The following SS18 variants were observed in gnomAD, a reference collection of about 807,000 sequenced individuals.
SS18 encodes protein SSXT.
A neutral mutation model predicts 72.5 loss-of-function variants in SS18; 28 were observed. The observed-to-expected ratio is 0.39, with a 90% confidence interval of 0.29 to 0.53. The LOEUF (loss-of-function observed/expected upper bound fraction) is 0.53. SS18 is among the 20% of genes least tolerant of loss of function. The pLI, the probability that SS18 is intolerant of heterozygous loss-of-function variation, is 0.76. For synonymous variants in SS18, 172 were observed against 164.2 expected (o/e 1.05, Z -0.37); for missense variants, 518 against 535.3 (o/e 0.97, Z 0.32).
At chr18:26,075,014 CA>C (rs2054386938) in intron 3 of SS18, among the ~76,000 whole-genome samples, 1 of 151,706 alleles carries the variant, frequency 6.6e-6, no homozygotes, top group African/African-American at 2.4e-5. Context: ...TGCTAAAAAC[CA>C]CAACTTACCA....
At chr18:26,063,512 A>G (rs1342680109) in intron 3 of SS18, among the ~76,000 whole-genome samples, 1 of 152,184 alleles carries the variant, frequency 6.6e-6, no homozygotes, top group East Asian at 1.9e-4. Flanking sequence ...GCGAGACTCC[A>G]TCTCCAAAAA....
intron 3 of SS18, among the ~76,000 whole-genome samples, chr18:26,063,808 C>T (rs2054166486): frequency 6.6e-6 from 1 of 151,908 alleles, no homozygotes; most frequent in South Asian, 2.1e-4. Flanking sequence ...GAACAAAACT[C>T]AATGAAATAA....
Position 26,017,892 on chromosome 18 carries a change from AGT to A in SS18, c.*460_*461del, listed in dbSNP as rs2143745199. On this transcript the variant is annotated 3_prime_UTR_variant, in exon 11 of 11. Transcript: ENST00000415083. ...GGATTTCTGATGCTGTCCAGTGCGTAGTGTACCGCCTTGCATATTCACCACAT... is the reference window on the plus strand; with the variant it reads ...GGATTTCTGATGCTGTCCAGTGCGTAGTACCGCCTTGCATATTCACCACAT... The A allele has an allele frequency of 4.3e-6, 1 of 234,568 alleles. No individual in the cohort carries two copies. Among genetic ancestry groups the A allele is most frequent in the South Asian group, 1.7e-4 (1 of 5,880 alleles). The allele number at this position is 234,568 out of a possible 1,614,324, so 14.5% of individuals were successfully genotyped here.
chr18:26,023,638 C>T (rs1449109982), intron 10 of SS18: 4 of 528,644 alleles, frequency 7.6e-6, no homozygotes, highest in Non-Finnish European at 1.1e-5. Flanking sequence ...GAATTCTATA[C>T]CCAGAGAAAA....
At chr18:26,047,847 C>A (rs2053856661) in intron 5 of SS18, among the ~76,000 whole-genome samples, 3 of 152,108 alleles carry the variant, frequency 2.0e-5, no homozygotes, top group African/African-American at 7.2e-5. Flanking sequence ...GAGACTCCGT[C>A]TCAAAAAACA....
rs1264217086 is a variant in SS18, at chr18:26,090,552, C to A, written c.18G>T (p.Ala6=). 6.3e-7 allele frequency: 1 copy of A among 1,587,688 alleles called. No individual in the cohort carries two copies. The highest frequency in any genetic ancestry group is 1.2e-5 in the South Asian group (1 of 86,772). The part of the protein sequence containing the change: MSVAF[A]APRQRGKGEI... ...CCCCCTTGCCTCGCTGCCTCGGGGC[C>A]GCGAAAGCCACAGACATGTTGCCGC... The change falls in exon 1 of 11, where the codon GCG becomes GCT. Residue 6 remains alanine (A), a synonymous_variant. Transcript: ENST00000415083.
At chr18:26,039,512 C>G in intron 5 of SS18, 56 bp from the exon 6 acceptor site, 3 of 1,459,536 alleles carry the variant, frequency 2.1e-6, no homozygotes, top group Non-Finnish European at 2.8e-6. Flanking sequence ...TTTAACATCT[C>G]AAGAGAAATA....
At chr18:26,079,469 A>G (rs1231078218) in intron 2 of SS18, among the ~76,000 whole-genome samples, 5 of 152,248 alleles carry the variant, frequency 3.3e-5, no homozygotes, top group Non-Finnish European at 7.3e-5. Flanking sequence ...ACAAATTAAA[A>G]TAATAAAAAT....
At chr18:26,086,898 T>C (rs1449119492) in intron 2 of SS18, among the ~76,000 whole-genome samples, 1 of 152,204 alleles carries the variant, frequency 6.6e-6, no homozygotes, top group African/African-American at 2.4e-5. Context: ...AGAAACGAAG[T>C]GATACCCAAT....
At chr18:26,089,998 A>T in intron 1 of SS18, 1 of 160,874 alleles carries the variant, frequency 6.2e-6, no homozygotes, top group Non-Finnish European at 1.3e-5. Flanking sequence ...GCGTTCCCCA[A>T]GTCCTCCTGC....
At chr18:26,089,431 C>T (rs2054674607) in intron 1 of SS18, among the ~76,000 whole-genome samples, 1 of 152,232 alleles carries the variant, frequency 6.6e-6, no homozygotes, top group Non-Finnish European at 1.5e-5. Context: ...TCAAAAGCCA[C>T]ACTACGAAGA....
At chr18:26,025,530 GTAATAT>G (rs1177666335) in intron 10 of SS18, among the ~76,000 whole-genome samples, 2 of 151,478 alleles carry the variant, frequency 1.3e-5, no homozygotes, top group Non-Finnish European at 2.9e-5. Flanking sequence ...AATGAGAGAG[GTAATAT>G]CACTACAGAT....
chr18:26,052,260 G>C (rs973744550), intron 5 of SS18, among the ~76,000 whole-genome samples: 12 of 152,262 alleles, frequency 7.9e-5, no homozygotes, highest in African/African-American at 2.9e-4. Flanking sequence ...TATAAATCAA[G>C]GGGAATTCAT....
chr18:26,053,795 C>T (rs902146439), intron 4 of SS18, among the ~76,000 whole-genome samples: 7 of 152,086 alleles, frequency 4.6e-5, no homozygotes, highest in African/African-American at 1.4e-4. Flanking sequence ...ATCAAAAGTT[C>T]GATCTAACTA....
intron 5 of SS18, among the ~76,000 whole-genome samples, chr18:26,052,244 C>T (rs576125918): frequency 6.6e-6 from 1 of 152,282 alleles, no homozygotes; most frequent in Non-Finnish European, 1.5e-5. Flanking sequence ...CATCAGAAAA[C>T]ATCCATATAA....
chr18:26,089,040 A>G (rs1440042529), intron 1 of SS18, among the ~76,000 whole-genome samples: 1 of 152,182 alleles, frequency 6.6e-6, no homozygotes, highest in African/African-American at 2.4e-5. Context: ...AAACTATTGA[A>G]CTTCACCATT....
At chr18:26,072,107 T>C (rs112556687) in intron 3 of SS18, among the ~76,000 whole-genome samples, 2,341 of 152,104 alleles carry the variant, frequency 0.015, 65 homozygotes, top group African/African-American at 0.054. Context: ...TGGAAACATA[T>C]AGAGACTTAA....
intron 10 of SS18, among the ~76,000 whole-genome samples, chr18:26,024,489 A>G (rs908946640): frequency 6.6e-6 from 1 of 152,098 alleles, no homozygotes; most frequent in Non-Finnish European, 1.5e-5. Context: ...ATGCCTGGCT[A>G]GTTTTTTGTA....
Position 26,035,737 on chromosome 18 carries a change from A to C in SS18, c.973+94T>G. 9.3e-6 allele frequency: 7 copies of C among 750,124 alleles called. No individual in the cohort carries two copies. The highest frequency in any genetic ancestry group is 1.4e-5 in the Non-Finnish European group (7 of 489,368). 46.5% of individuals were successfully genotyped at this position (750,124 alleles called of 1,614,324 possible). A position where few individuals can be genotyped will look rare whatever the true frequency, so the allele number is the denominator to read the frequency against. ...GAAAGCCAGCAACTAGTATTCTACA[A>C]GAGCTTTGCATGGGTAGAAGTTGTC... On this transcript the variant is annotated intron_variant, in intron 8 of 10. Coordinates refer to ENST00000415083, the MANE Select transcript of SS18 (RefSeq NM_001007559.3). The surrounding 1 kb of genome is among the most constrained non-coding windows in gnomAD (Gnocchi z 4.4).
Sources: allele counts gnomAD v4.1 joint callset (sites outside exome capture counted in the v4.1 genomes callset), GRCh38; gene constraint gnomAD v4.1.1; non-coding constraint Gnocchi (gnomAD v3.1); transcripts MANE v1.5; gene names NCBI Gene and HGNC (gene_info 2026-07-23, HGNC 2026-07-21).